SNTG1: variants seen among roughly 807,000 people sequenced by gnomAD.
SNTG1 encodes the protein gamma-1-syntrophin.
In SNTG1, 39 loss-of-function variants were observed where a neutral mutation model predicts 74.7. The observed-to-expected ratio is 0.52, with a 90% CI of 0.40 to 0.68. The LOEUF (loss-of-function observed/expected upper bound fraction) is 0.68, where lower values mean the gene tolerates loss of function less well. Ranked by LOEUF, SNTG1 falls within the 30% of genes least tolerant of loss-of-function variation. The probability of loss-of-function intolerance (pLI) is 0.00; values close to 1 mark genes in which losing one functional copy is unlikely to be tolerated. For synonymous variants in SNTG1, 254 were observed against 217.1 expected, an observed-to-expected ratio of 1.17 and a Z score of -1.49; for missense variants, 685 against 609.5, an observed-to-expected ratio of 1.12 and a Z score of -1.30.
chr8:49,996,909 T>G (rs551031951), intron 1 of SNTG1, among the ~76,000 whole-genome samples: 1 of 152,296 alleles, frequency 6.6e-6, no homozygotes, highest in South Asian at 2.1e-4. Flanking sequence ...AATCACTTCA[T>G]AACTTAAAGA....
chr8:50,294,735 A>G (rs2089283725), intron 2 of SNTG1, among the ~76,000 whole-genome samples: 1 of 152,196 alleles, frequency 6.6e-6, no homozygotes, highest in South Asian at 2.1e-4. Flanking sequence ...TCAAAATTAC[A>G]TTCCACCAAG....
intron 3 of SNTG1, among the ~76,000 whole-genome samples, chr8:50,400,790 A>C (rs904044685): frequency 2.0e-5 from 3 of 152,264 alleles, no homozygotes; most frequent in Admixed American, 1.3e-4. Flanking sequence ...GTTACCACAC[A>C]CTGGGGTGCA....
At chr8:50,197,037 G>C (rs1329511225) in intron 2 of SNTG1, among the ~76,000 whole-genome samples, 1 of 151,578 alleles carries the variant, frequency 6.6e-6, no homozygotes, top group Non-Finnish European at 1.5e-5. Flanking sequence ...AAAGAAAACA[G>C]GAATTTTTAA....
intron 2 of SNTG1, among the ~76,000 whole-genome samples, chr8:50,292,817 G>A (rs921780698): frequency 3.3e-5 from 5 of 152,128 alleles, no homozygotes; most frequent in Non-Finnish European, 7.3e-5. Context: ...CCTACAGGTG[G>A]CATTTAAAAC....
intron 1 of SNTG1, among the ~76,000 whole-genome samples, chr8:49,933,005 G>A (rs1807736565): frequency 6.6e-6 from 1 of 151,778 alleles, no homozygotes; most frequent in South Asian, 2.1e-4. Context: ...TTACCACGTT[G>A]TATTTATCCA....
At chr8:50,091,433 ATCT>A (rs2079733418) in intron 1 of SNTG1, among the ~76,000 whole-genome samples, 1 of 152,108 alleles carries the variant, frequency 6.6e-6, no homozygotes, top group Admixed American at 6.6e-5. Flanking sequence ...ATTGAGAAAC[ATCT>A]TCTCATGATC....
Position 49,977,682 on chromosome 8 carries a change from C to CAATA in SNTG1, c.-103+65470_-103+65473dup, listed in dbSNP as rs373039733. 6.9e-3 allele frequency among the ~76,000 whole-genome samples: 1,050 copies of CAATA among 152,204 alleles called. 12 individuals carry two copies. Among genetic ancestry groups the CAATA allele is most frequent in the African/African-American group, 0.022 (907 of 41,538 alleles). ...TTCACTTATCTTTACTCAAAGGAGA[C>CAATA]AATAAATAAATAAATAAATAAAGAC... On this transcript the variant is annotated intron_variant, in intron 1 of 18. Transcript: ENST00000642720.
intron 8 of SNTG1, among the ~76,000 whole-genome samples, chr8:50,477,853 T>C (rs1337869601): frequency 1.3e-5 from 2 of 152,212 alleles, no homozygotes; most frequent in Non-Finnish European, 2.9e-5. Context: ...ATATTTTTCC[T>C]TTTTTGTTTA....
Position 50,781,556 on chromosome 8 carries a change from G to C in SNTG1, c.1396-11115G>C, listed in dbSNP as rs190776139. ...GCCTTTTTTTGTTTTCCATTTTCTT[G>C]GTAGGTCTTCCTCCATCCTTTTATT... On this transcript the variant is annotated intron_variant, in intron 18 of 18. Coordinates refer to ENST00000642720, the MANE Select transcript of SNTG1 (RefSeq NM_018967.5). 3.7e-3 allele frequency among the ~76,000 whole-genome samples: 563 copies of C among 152,076 alleles called. 4 individuals are homozygous for C. Among genetic ancestry groups the C allele is most frequent in the African/African-American group, 0.013 (521 of 41,460 alleles).
At chr8:50,168,156 A>T (rs989868357) in intron 1 of SNTG1, among the ~76,000 whole-genome samples, 3 of 151,032 alleles carry the variant, frequency 2.0e-5, no homozygotes. Context: ...AAAATGTTTA[A>T]TATTTCCCAA....
intron 16 of SNTG1, among the ~76,000 whole-genome samples, chr8:50,706,099 T>A (rs1262137248): frequency 6.6e-6 from 1 of 152,190 alleles, no homozygotes; most frequent in Non-Finnish European, 1.5e-5. Context: ...GTTGTACCAG[T>A]ATGACATTAC....
At chr8:50,246,649 C>T (rs531553203) in intron 2 of SNTG1, among the ~76,000 whole-genome samples, 56 of 152,118 alleles carry the variant, frequency 3.7e-4, no homozygotes, top group African/African-American at 1.3e-3. Flanking sequence ...GGAGCATTAT[C>T]GTGGTGAAGA....
intron 2 of SNTG1, among the ~76,000 whole-genome samples, chr8:50,366,044 T>A (rs16914776): frequency 0.013 from 2,051 of 152,256 alleles, 49 homozygotes; most frequent in African/African-American, 0.044. Context: ...ACAAACAATT[T>A]ATCACCTGAG....
Position 50,424,140 on chromosome 8 carries a change from G to C in SNTG1, c.163-14403G>C, listed in dbSNP as rs545057829. 2.0e-5 allele frequency among the ~76,000 whole-genome samples: 3 copies of C among 152,244 alleles called. No homozygotes were observed. The East Asian group carries it at 5.8e-4, about 29-fold the overall frequency. On this transcript the variant is annotated intron_variant, in intron 4 of 18. Transcript: ENST00000642720. ...TCAAAGGTTCCGGGAATGTGCTCCA[G>C]GTGAAACTGTGATGAGGCATTGCAC...
At chr8:50,654,247 C>T (rs1007068144) in intron 13 of SNTG1, among the ~76,000 whole-genome samples, 2 of 151,964 alleles carry the variant, frequency 1.3e-5, no homozygotes, top group Non-Finnish European at 2.9e-5. Flanking sequence ...ACACCTTTTT[C>T]TCTTATTCTC....
intron 12 of SNTG1, chr8:50,568,755 T>A (rs1042480497): frequency 2.6e-5 from 4 of 152,188 alleles, no homozygotes; most frequent in African/African-American, 9.7e-5. Context: ...TGCAAATACA[T>A]CTGTAGGTTG....
rs948271626 is a variant in SNTG1 at position 50,279,634 on chromosome 8, A to T, written c.-28+106999A>T. ...TTGGGACAGATGCTTGTATCAAAAA[A>T]TAGATTAACAAGAGAAAATCAAACA... On this transcript the variant is annotated intron_variant, in intron 2 of 18. Coordinates refer to ENST00000642720, the MANE Select transcript of SNTG1 (RefSeq NM_018967.5). Among the ~76,000 whole-genome samples, 4 of 152,192 alleles carry T rather than the reference A, an allele frequency of 2.6e-5. No individual in the cohort carries two copies. In the South Asian group the frequency reaches 8.3e-4, roughly 32 times the overall value.
intron 2 of SNTG1, among the ~76,000 whole-genome samples, chr8:50,378,653 G>A (rs187348274): frequency 1.8e-4 from 27 of 152,192 alleles, no homozygotes; most frequent in Non-Finnish European, 1.9e-4. Context: ...GCTCTTAGCA[G>A]AGAAGGTAGC....
chr8:50,400,061 T>A (rs1241991784), intron 3 of SNTG1, among the ~76,000 whole-genome samples: 1 of 152,150 alleles, frequency 6.6e-6, no homozygotes, highest in African/African-American at 2.4e-5. Flanking sequence ...CAAAAGCAGT[T>A]TAGAGAAAGA....
Sources: allele counts gnomAD v4.1 joint callset (sites outside exome capture counted in the v4.1 genomes callset), GRCh38; gene constraint gnomAD v4.1.1; transcripts MANE v1.5; gene names NCBI Gene and HGNC (gene_info 2026-07-23, HGNC 2026-07-21).